The following GRIK2 variants were observed in gnomAD, a reference collection of about 807,000 sequenced individuals.
The protein encoded by GRIK2 is glutamate receptor ionotropic, kainate 2.
GRIK2 carries 32 observed loss-of-function variants against 100.3 expected under a neutral mutation model. The ratio of observed to expected loss-of-function variants is 0.32; its 90% CI spans 0.24 to 0.43. GRIK2 has a LOEUF of 0.43. Ranked by LOEUF, GRIK2 falls within the 20% of genes least tolerant of loss-of-function variation. The pLI, the probability that GRIK2 is intolerant of heterozygous loss-of-function variation, is 1.00. For synonymous variants in GRIK2, 417 were observed against 389.4 expected (o/e 1.07, Z -0.83); for missense variants, 843 against 1,114.9 (o/e 0.76, Z 3.47).
At chr6:101,693,922 C>T (rs944433160) in intron 7 of GRIK2, among the ~76,000 whole-genome samples, 16 of 151,830 alleles carry the variant, frequency 1.1e-4, no homozygotes, top group African/African-American at 3.4e-4. Context: ...TATGGTTTTA[C>T]GTGGATATGA....
chr6:101,954,260 C>A (rs1424727572), intron 14 of GRIK2, among the ~76,000 whole-genome samples: 1 of 152,034 alleles, frequency 6.6e-6, no homozygotes, highest in Admixed American at 6.5e-5. Flanking sequence ...TGACAAATTT[C>A]TGCAAAAAGC....
intron 2 of GRIK2, among the ~76,000 whole-genome samples, chr6:101,444,361 A>T (rs1034529224): frequency 1.3e-5 from 2 of 152,078 alleles, no homozygotes; most frequent in African/African-American, 4.8e-5. Flanking sequence ...AAAATATTTT[A>T]GATTTATATT....
At chr6:101,675,317 C>T (rs1361583015) in intron 4 of GRIK2, among the ~76,000 whole-genome samples, 1 of 149,384 alleles carries the variant, frequency 6.7e-6, no homozygotes. Context: ...CACACACACA[C>T]ACACACACAC....
chr6:101,854,131 A>G (rs771302825), intron 10 of GRIK2, among the ~76,000 whole-genome samples: 1 of 152,108 alleles, frequency 6.6e-6, no homozygotes, highest in Non-Finnish European at 1.5e-5. Context: ...GTGAACATGT[A>G]CTGATTTGGT....
At chr6:101,736,724 A>G (rs1278315549) in intron 7 of GRIK2, among the ~76,000 whole-genome samples, 1 of 152,196 alleles carries the variant, frequency 6.6e-6, no homozygotes, top group Non-Finnish European at 1.5e-5. Context: ...GACCTCTGAC[A>G]TGCCCTGGAA....
At chr6:101,833,468 C>T (rs193197683) in intron 10 of GRIK2, among the ~76,000 whole-genome samples, 182 of 152,188 alleles carry the variant, frequency 1.2e-3, no homozygotes, top group African/African-American at 3.9e-3. Flanking sequence ...TTCCTGACCT[C>T]GTGATCCACC....
At chr6:101,880,274 G>T (rs1181338271) in intron 11 of GRIK2, among the ~76,000 whole-genome samples, 1 of 152,036 alleles carries the variant, frequency 6.6e-6, no homozygotes, top group Non-Finnish European at 1.5e-5. Context: ...TAATTGGACA[G>T]TTTGGGTCAC....
At position 101,968,730 on chromosome 6, in the gene GRIK2, C is replaced by T. The variant is rs187774895; in HGVS notation, c.2085+40098C>T. ...TGGTAAACATAAATCACACTTTCATCCACCCATCAAAAATGTGTGTTCTCT... is the reference window on the plus strand; with the variant it reads ...TGGTAAACATAAATCACACTTTCATTCACCCATCAAAAATGTGTGTTCTCT... On this transcript the variant is annotated intron_variant, in intron 14 of 16. Transcript: ENST00000369134. 4.0e-5 allele frequency among the ~76,000 whole-genome samples: 6 copies of T among 150,144 alleles called. No homozygotes were observed. The East Asian group carries it at 1.2e-3, about 30-fold the overall frequency.
intron 2 of GRIK2, among the ~76,000 whole-genome samples, chr6:101,604,266 A>G (rs1208771408): frequency 6.6e-6 from 1 of 151,740 alleles, no homozygotes; most frequent in African/African-American, 2.4e-5. Context: ...TAAAGTATTT[A>G]AAAATAGAAA....
At chr6:102,055,868 T>C (rs1026155304) in intron 16 of GRIK2, among the ~76,000 whole-genome samples, 2 of 152,036 alleles carry the variant, frequency 1.3e-5, no homozygotes, top group Non-Finnish European at 2.9e-5. Context: ...AAATAAACTT[T>C]TGTTGTTTGA....
chr6:101,896,554 A>T (rs1489373805), intron 12 of GRIK2, among the ~76,000 whole-genome samples: 1 of 151,736 alleles, frequency 6.6e-6, no homozygotes. Context: ...CATAAATATA[A>T]TTTATTGTTA....
At chr6:101,433,686 A>G (rs564327253) in intron 2 of GRIK2, among the ~76,000 whole-genome samples, 1 of 152,042 alleles carries the variant, frequency 6.6e-6, no homozygotes, top group African/African-American at 2.4e-5. Context: ...TATGCTGAAG[A>G]GCAAGATATA....
intron 7 of GRIK2, among the ~76,000 whole-genome samples, chr6:101,749,299 A>G (rs1256549704): frequency 6.6e-6 from 1 of 152,018 alleles, no homozygotes; most frequent in Admixed American, 6.6e-5. Flanking sequence ...AATAGACACA[A>G]GATTTCACCA....
intron 10 of GRIK2, among the ~76,000 whole-genome samples, chr6:101,831,948 A>G (rs1253051814): frequency 6.6e-6 from 1 of 152,156 alleles, no homozygotes; most frequent in Non-Finnish European, 1.5e-5. Flanking sequence ...TATAGTTTAG[A>G]TTAGTGGTGG....
At chr6:101,610,793 A>G (rs1779636848) in intron 2 of GRIK2, among the ~76,000 whole-genome samples, 1 of 151,794 alleles carries the variant, frequency 6.6e-6, no homozygotes, top group African/African-American at 2.4e-5. Context: ...TTTCTTTTAA[A>G]TAAGTACGAT....
intron 7 of GRIK2, among the ~76,000 whole-genome samples, chr6:101,751,347 G>A (rs1464928264): frequency 5.3e-5 from 8 of 151,592 alleles, no homozygotes; most frequent in Non-Finnish European, 8.8e-5. Context: ...ATTCTACCTA[G>A]TTTCAAAAAT....
chr6:101,692,426 T>C (rs554428492), intron 7 of GRIK2, among the ~76,000 whole-genome samples: 1 of 152,254 alleles, frequency 6.6e-6, no homozygotes, highest in South Asian at 2.1e-4. Flanking sequence ...CAGGATTTGA[T>C]ACCAGGCACT....
At chr6:101,561,335 C>T (rs973076527) in intron 2 of GRIK2, among the ~76,000 whole-genome samples, 1 of 150,304 alleles carries the variant, frequency 6.7e-6, no homozygotes, top group Non-Finnish European at 1.5e-5. Flanking sequence ...AAGTAGATCT[C>T]ATGGAGGCAG....
intron 2 of GRIK2, among the ~76,000 whole-genome samples, chr6:101,436,605 A>T (rs1769731518): frequency 6.6e-6 from 1 of 152,026 alleles, no homozygotes; most frequent in African/African-American, 2.4e-5. Flanking sequence ...TAGTCTGGAT[A>T]GAGAATATAT....
Sources: allele counts gnomAD v4.1 joint callset (sites outside exome capture counted in the v4.1 genomes callset), GRCh38; gene constraint gnomAD v4.1.1; transcripts MANE v1.5; gene names NCBI Gene and HGNC (gene_info 2026-07-23, HGNC 2026-07-21).